MEGF10: variants seen among roughly 807,000 people sequenced by gnomAD.
MEGF10 encodes multiple epidermal growth factor-like domains protein 10.
In MEGF10, 86 loss-of-function variants were observed where a neutral mutation model predicts 147.5. That is an observed-to-expected ratio of 0.58 (90% CI 0.49 to 0.70). The LOEUF (loss-of-function observed/expected upper bound fraction) is 0.70, where lower values mean the gene tolerates loss of function less well. MEGF10 is among the 30% of genes least tolerant of loss of function. The pLI, the probability that MEGF10 is intolerant of heterozygous loss-of-function variation, is 0.00. For synonymous variants in MEGF10, 478 were observed against 525.5 expected (o/e 0.91, Z 1.24); for missense variants, 1,329 against 1,487.3 (o/e 0.89, Z 1.75).
At chr5:127,309,948 T>TCTTTC (rs1361361478) in intron 1 of MEGF10, among the ~76,000 whole-genome samples, 6 of 2,722 alleles carry the variant, frequency 2.2e-3, no homozygotes, top group Non-Finnish European at 3.1e-3. Flanking sequence ...CCTTGCCAAC[T>TCTTTC]CTTTCTTTCT....
At chr5:127,332,096 A>G (rs1487266711) in intron 2 of MEGF10, among the ~76,000 whole-genome samples, 1 of 151,878 alleles carries the variant, frequency 6.6e-6, no homozygotes, top group Non-Finnish European at 1.5e-5. Flanking sequence ...AGATGATGTA[A>G]TGTCTAGATA....
upstream of MEGF10, among the ~76,000 whole-genome samples, chr5:127,290,162 G>A (rs572141546): frequency 6.6e-6 from 1 of 152,220 alleles, no homozygotes; most frequent in East Asian, 1.9e-4. Flanking sequence ...GACCTGGGGG[G>A]ATTTTCCTGC....
chr5:127,430,741 C>A (rs552374727), intron 13 of MEGF10, among the ~76,000 whole-genome samples: 1 of 152,288 alleles, frequency 6.6e-6, no homozygotes, highest in Non-Finnish European at 1.5e-5. Flanking sequence ...GGAGGAAAGA[C>A]AACTCCACAC....
intron 12 of MEGF10, among the ~76,000 whole-genome samples, chr5:127,421,607 G>GA (rs1442526737): frequency 6.6e-6 from 1 of 152,126 alleles, no homozygotes; most frequent in Non-Finnish European, 1.5e-5. Flanking sequence ...ACGTGCACAT[G>GA]AAAGTATAAA....
chr5:127,246,277 A>G, the MEGF10 span, among the ~76,000 whole-genome samples: 1 of 152,208 alleles, frequency 6.6e-6, no homozygotes, highest in Admixed American at 6.5e-5. Flanking sequence ...ATGCAGCCGT[A>G]AGAAGAATGA....
At chr5:127,443,717 T>A (rs977509266) in intron 19 of MEGF10, among the ~76,000 whole-genome samples, 4 of 152,246 alleles carry the variant, frequency 2.6e-5, no homozygotes, top group Admixed American at 2.0e-4. Flanking sequence ...CTTTGTTTAC[T>A]CAGCATAATT....
intron 5 of MEGF10, among the ~76,000 whole-genome samples, chr5:127,379,565 A>G (rs74290652): frequency 0.022 from 3,059 of 142,250 alleles, 54 homozygotes; most frequent in South Asian, 0.081. Context: ...AATAATACTC[A>G]TCTCCCTGGT....
chr5:127,277,273 A>G, the MEGF10 span, among the ~76,000 whole-genome samples: 3 of 152,178 alleles, frequency 2.0e-5, no homozygotes, highest in African/African-American at 7.2e-5. Flanking sequence ...TTGCAAGGTT[A>G]TGCTCTCTCC....
chr5:127,423,956 G>A (rs1765119778), intron 13 of MEGF10, among the ~76,000 whole-genome samples: 2 of 152,040 alleles, frequency 1.3e-5, no homozygotes, highest in South Asian at 4.1e-4. Flanking sequence ...CCTGATCCAA[G>A]GTCACAAGAT....
intron 17 of MEGF10, among the ~76,000 whole-genome samples, chr5:127,440,373 A>G (rs956818699): frequency 7.2e-5 from 11 of 152,198 alleles, no homozygotes; most frequent in Non-Finnish European, 1.5e-4. Context: ...GTCTCAGTCC[A>G]TTGGAATTTG....
At chr5:127,310,702 T>G (rs578035586) in intron 1 of MEGF10, among the ~76,000 whole-genome samples, 1 of 152,310 alleles carries the variant, frequency 6.6e-6, no homozygotes, top group Admixed American at 6.5e-5. Flanking sequence ...CAAAGGCTCA[T>G]TTATGGATAA....
chr5:127,268,882 A>T, the MEGF10 span, among the ~76,000 whole-genome samples: 1 of 152,194 alleles, frequency 6.6e-6, no homozygotes, highest in East Asian at 1.9e-4. Flanking sequence ...TACCCCTTTG[A>T]GACGAAGCTT....
upstream of MEGF10, among the ~76,000 whole-genome samples, chr5:127,287,572 A>C (rs1759067757): frequency 6.6e-6 from 1 of 152,028 alleles, no homozygotes; most frequent in Non-Finnish European, 1.5e-5. Flanking sequence ...AATATTGCTG[A>C]GAAACATTAA....
the MEGF10 span, among the ~76,000 whole-genome samples, chr5:127,260,618 G>C: frequency 6.6e-6 from 1 of 152,156 alleles, no homozygotes; most frequent in Non-Finnish European, 1.5e-5. Flanking sequence ...CTACGTGGTG[G>C]AGAGATGAGT....
the MEGF10 span, among the ~76,000 whole-genome samples, chr5:127,268,143 GA>G: frequency 6.6e-6 from 1 of 151,986 alleles, no homozygotes; most frequent in Non-Finnish European, 1.5e-5. Context: ...TGGTTTCAAA[GA>G]ACATCTATTT....
intron 1 of MEGF10, among the ~76,000 whole-genome samples, chr5:127,323,541 G>A (rs1158758087): frequency 6.6e-6 from 1 of 152,212 alleles, no homozygotes; most frequent in South Asian, 2.1e-4. Flanking sequence ...GTATGTTAAT[G>A]CTACTAAAGA....
chr5:127,328,908 T>A (rs78016484), intron 1 of MEGF10, among the ~76,000 whole-genome samples: 1 of 152,162 alleles, frequency 6.6e-6, no homozygotes, highest in African/African-American at 2.4e-5. Flanking sequence ...ATATTAAAGA[T>A]TTTTTTGATG....
chr5:127,435,782 G>A (rs1182613278), intron 16 of MEGF10, among the ~76,000 whole-genome samples: 4 of 151,988 alleles, frequency 2.6e-5, no homozygotes, highest in African/African-American at 9.7e-5. Context: ...AGCAAAAACA[G>A]CTGTATTGAG....
chr5:127,251,224 C>T, the MEGF10 span, among the ~76,000 whole-genome samples: 9 of 151,860 alleles, frequency 5.9e-5, no homozygotes, highest in Admixed American at 3.3e-4. Context: ...ATAGGGTTTG[C>T]GCAGGTATAG....
Sources: gnomAD v4.1 joint callset for allele counts (sites outside exome capture counted in the v4.1 genomes callset) on GRCh38, gnomAD v4.1.1 for gene constraint, MANE v1.5 for transcripts, NCBI Gene and HGNC (gene_info 2026-07-23, HGNC 2026-07-21) for gene names.